NDUFV3: variants seen among roughly 807,000 people sequenced by gnomAD.
The protein encoded by NDUFV3 is NADH dehydrogenase [ubiquinone] flavoprotein 3, mitochondrial.
NDUFV3 carries 44 observed loss-of-function variants against 37.5 expected under a neutral mutation model. The ratio of observed to expected loss-of-function variants is 1.17; its 90% CI spans 0.92 to 1.51. NDUFV3 has a LOEUF of 1.51. Ranked by LOEUF, NDUFV3 falls within the 40% of genes most tolerant of loss-of-function variation. The pLI, the probability that NDUFV3 is intolerant of heterozygous loss-of-function variation, is 0.00. For missense variants in NDUFV3, 580 were observed against 580.4 expected, an observed-to-expected ratio of 1.00 and a Z score of 0.01; for synonymous variants, 235 against 239.3, an observed-to-expected ratio of 0.98 and a Z score of 0.17.
At chr21:42,895,372 C>T (rs2058686018) in intron 1 of NDUFV3, among the ~76,000 whole-genome samples, 1 of 152,168 alleles carries the variant, frequency 6.6e-6, no homozygotes, top group Non-Finnish European at 1.5e-5. Flanking sequence ...ATCCCAGCTA[C>T]TTGGGTGGCT....
At chr21:42,896,681 T>C (rs1462607967) in intron 1 of NDUFV3, among the ~76,000 whole-genome samples, 2 of 151,830 alleles carry the variant, frequency 1.3e-5, no homozygotes, top group African/African-American at 4.8e-5. Context: ...CCAGATCTCG[T>C]CTCTATAAAA....
At position 42,909,657 on chromosome 21, in the gene NDUFV3, C is replaced by G. The variant is rs552926360; in HGVS notation, c.*636C>G. On this transcript the variant is annotated 3_prime_UTR_variant, in exon 4 of 4. Coordinates refer to ENST00000354250, the MANE Select transcript of NDUFV3 (RefSeq NM_021075.4). ...GTCAATTTCGCATTAAACTGATTATCAGCTGAGTATCAATAATGTAATAGT... is the reference window on the plus strand; with the variant it reads ...GTCAATTTCGCATTAAACTGATTATGAGCTGAGTATCAATAATGTAATAGT... 6.4e-6 allele frequency: 1 copy of G among 155,074 alleles called. No homozygotes were observed. Among genetic ancestry groups the G allele is most frequent in the Middle Eastern group, 3.4e-3 (1 of 294 alleles). The allele number at this position is 155,074 out of a possible 1,614,324, so 9.6% of individuals were successfully genotyped here.
At position 42,897,059 on chromosome 21, in the gene NDUFV3, A is replaced by G; in HGVS notation, c.169+12A>G. ...AAGTCCACCAAAAAGTAAGATTTTG[A>G]TGGTAGTCATAAGGGAAAGAGAATG... On this transcript the variant is annotated intron_variant, in intron 2 of 3. Coordinates refer to ENST00000354250, the MANE Select transcript of NDUFV3 (RefSeq NM_021075.4). 6.2e-7 allele frequency: 1 copy of G among 1,613,578 alleles called. No individual in the cohort carries two copies.
chr21:42,903,440 A>G lies in NDUFV3; in HGVS notation c.428A>G (p.Gln143Arg), dbSNP rs745711415. ...RKQGSDSEAR[Q>R]VGRKVTSPSS... Reference sequence around the variant, plus strand: ...CAGGGCTCTGATTCAGAAGCTCGTCAGGTGGGTCGGAAAGTGACGTCGCCT... The same window carrying G: ...CAGGGCTCTGATTCAGAAGCTCGTCGGGTGGGTCGGAAAGTGACGTCGCCT... Residue 143 changes from glutamine to arginine, a missense_variant, in exon 3 of 4, where the codon CAG becomes CGG. Gln to Arg is a conservative substitution (Grantham distance 43). Transcript: ENST00000354250. 1.2e-6 allele frequency: 2 copies of G among 1,614,238 alleles called. No homozygotes were observed. Among genetic ancestry groups the G allele is most frequent in the East Asian group, 2.2e-5 (1 of 44,888 alleles).
intron 3 of NDUFV3, 108 bp downstream of exon 3, chr21:42,904,384 G>A (rs1007192660): frequency 1.1e-4 from 166 of 1,467,814 alleles, no homozygotes; most frequent in Admixed American, 7.9e-5. Flanking sequence ...GTCAAATTCT[G>A]TACTAGAAAT....
At chr21:42,903,031 G>C (rs745720121) in intron 2 of NDUFV3, 151 bp from the exon 3 acceptor site, 3 of 1,069,844 alleles carry the variant, frequency 2.8e-6, no homozygotes, top group Non-Finnish European at 4.1e-6. Flanking sequence ...ATCCTCAGTT[G>C]GTTGCTTGGT....
Position 42,894,481 on chromosome 21 carries a change from T to A in NDUFV3, c.48+1100T>A, listed in dbSNP as rs867125847. 4.7e-3 allele frequency among the ~76,000 whole-genome samples: 299 copies of A among 63,526 alleles called. 5 individuals carry two copies. The highest frequency in any genetic ancestry group is 0.023 in the African/African-American group (271 of 11,758). The allele number at this position is 63,526 out of a possible 152,430, so 41.7% of individuals were successfully genotyped here. A position where few individuals can be genotyped will look rare whatever the true frequency, so the allele number is the denominator to read the frequency against. On this transcript the variant is annotated intron_variant, in intron 1 of 3. Transcript: ENST00000354250. The stretch of plus-strand genomic sequence containing the variant: ...GTTTATATAAATATATATTATATAT[T>A]TATATATTTATATAATATATAATAT...
intron 1 of NDUFV3, among the ~76,000 whole-genome samples, chr21:42,894,377 TA>T (rs1222081689): frequency 2.8e-5 from 1 of 35,470 alleles, no homozygotes; most frequent in Non-Finnish European, 4.5e-5. Context: ...TATATTTATA[TA>T]ATATGTAAAT....
rs1380448063 is a variant in NDUFV3 at position 42,909,793 on chromosome 21, CCTTA to C, written c.*777_*780del. 4 of 152,264 alleles carry C rather than the reference CCTTA, an allele frequency of 2.6e-5. No individual in the cohort carries two copies. Among genetic ancestry groups the C allele is most frequent in the African/African-American group, 7.2e-5 (3 of 41,438 alleles). 9.4% of individuals were successfully genotyped at this position (152,264 alleles called of 1,614,324 possible). ...CTCCTGGGTTCAAGTGATTCTCCTG[CCTTA>C]CTTAGCCTCTTGAGTAGCTGGTACT... On this transcript the variant is annotated 3_prime_UTR_variant, in exon 4 of 4. Transcript: ENST00000354250.
chr21:42,894,383 GTAAA>G (rs548781187), intron 1 of NDUFV3, among the ~76,000 whole-genome samples: 1,101 of 17,314 alleles, frequency 0.064, 295 homozygotes, highest in Middle Eastern at 0.11. Flanking sequence ...TATATAATAT[GTAAA>G]TATATATTAT....
At chr21:42,897,746 G>A (rs551275355) in intron 2 of NDUFV3, among the ~76,000 whole-genome samples, 11 of 150,982 alleles carry the variant, frequency 7.3e-5, no homozygotes, top group Admixed American at 2.0e-4. Context: ...GCGCAATCTC[G>A]GCTCACTACA....
Position 42,903,986 on chromosome 21 carries a change from G to A in NDUFV3, c.974G>A (p.Ser325Asn). 1 of 1,614,110 alleles carries A rather than the reference G, an allele frequency of 6.2e-7. No individual in the cohort carries two copies. Among genetic ancestry groups the A allele is most frequent in the South Asian group, 1.1e-5 (1 of 91,080 alleles). Residue 325 changes from serine (S) to asparagine (N), a missense_variant, in exon 3 of 4, where the codon AGT becomes AAT. Transcript: ENST00000354250. ...AGAGCAGAGGGGCAGCTGCAAGCCA[G>A]TCCTCCTGGGGCGGCAGAGGGGCAT... is the stretch of plus-strand genomic sequence containing the variant. ...EARAEGQLQASPPGAAEGHLE... is the reference protein window; with the variant it reads ...EARAEGQLQANPPGAAEGHLE...
In NDUFV3 at chr21:42,897,094, A is replaced by G. The variant is rs767292866; in HGVS notation, c.169+47A>G. 3.7e-6 allele frequency: 6 copies of G among 1,607,004 alleles called. 1 individual carries two copies. The highest frequency in any genetic ancestry group is 5.1e-6 in the Non-Finnish European group (6 of 1,175,462). On this transcript the variant is annotated intron_variant, in intron 2 of 3. Coordinates refer to ENST00000354250, the MANE Select transcript of NDUFV3 (RefSeq NM_021075.4). ...TAAGGGAAAGAGAATGCAAAAAGAA[A>G]ATAGATTAGTCAGCCTTCGAAGCAC...
intron 2 of NDUFV3, among the ~76,000 whole-genome samples, chr21:42,902,362 T>G (rs867457555): frequency 2.6e-5 from 4 of 152,232 alleles, no homozygotes; most frequent in Admixed American, 6.5e-5. Context: ...TTTCTGAATG[T>G]GCCTTGTTTC....
At chr21:42,906,020 C>T (rs1366815007) in intron 3 of NDUFV3, among the ~76,000 whole-genome samples, 1 of 151,762 alleles carries the variant, frequency 6.6e-6, no homozygotes, top group East Asian at 1.9e-4. Flanking sequence ...CCTGCCACCA[C>T]GCCTGGCTAA....
In NDUFV3 at chr21:42,903,709, C is replaced by T. The variant is rs2058728660; in HGVS notation, c.697C>T (p.Pro233Ser). 6.2e-7 allele frequency: 1 copy of T among 1,614,124 alleles called. No homozygotes were observed. Among genetic ancestry groups the T allele is most frequent in the African/African-American group, 1.3e-5 (1 of 75,026 alleles). ...CCACCAGCCAAAGAAGAAAGGGTCCCCTGCTAAGCCATCAGAAGGCAGGGA... is the reference window on the plus strand; with the variant it reads ...CCACCAGCCAAAGAAGAAAGGGTCCTCTGCTAAGCCATCAGAAGGCAGGGA... ...KPHQPKKKGS[P>S]AKPSEGRENA... The change falls in exon 3 of 4, where the codon CCT (proline) becomes TCT (serine). Residue 233 changes from proline to serine, a missense_variant. Pro to Ser is a moderately conservative substitution (Grantham distance 74, BLOSUM62 -1). Coordinates refer to ENST00000354250, the MANE Select transcript of NDUFV3 (RefSeq NM_021075.4).
At chr21:42,902,257 A>T (rs1340721544) in intron 2 of NDUFV3, among the ~76,000 whole-genome samples, 1 of 152,158 alleles carries the variant, frequency 6.6e-6, no homozygotes, top group African/African-American at 2.4e-5. Context: ...AAAATAAAAA[A>T]AAACTTTTTA....
chr21:42,902,506 A>G, intron 2 of NDUFV3, among the ~76,000 whole-genome samples: 1 of 152,214 alleles, frequency 6.6e-6, no homozygotes, highest in Non-Finnish European at 1.5e-5. Flanking sequence ...CTCACTTTTC[A>G]ACTAAGCAGA....
chr21:42,905,728 C>G (rs1325204788), intron 3 of NDUFV3, among the ~76,000 whole-genome samples: 1 of 152,010 alleles, frequency 6.6e-6, no homozygotes, highest in Admixed American at 6.6e-5. Flanking sequence ...GTAGGCCAGG[C>G]TGGTCTCGAA....
Sources: gnomAD v4.1 joint callset for allele counts (sites outside exome capture counted in the v4.1 genomes callset) on GRCh38, gnomAD v4.1.1 for gene constraint, MANE v1.5 for transcripts, NCBI Gene and HGNC (gene_info 2026-07-23, HGNC 2026-07-21) for gene names.